ADCY2: variants seen among roughly 807,000 people sequenced by gnomAD.
ADCY2 encodes the protein adenylate cyclase type 2.
Under a neutral mutation model 125.2 loss-of-function variants are expected in ADCY2, and 31 were observed. The observed-to-expected ratio is 0.25, with a 90% CI of 0.19 to 0.33. The LOEUF is 0.33. ADCY2 is among the 10% of genes least tolerant of loss of function. The pLI, the probability that ADCY2 is intolerant of heterozygous loss-of-function variation, is 1.00. For synonymous variants in ADCY2, 512 were observed against 548.4 expected, an observed-to-expected ratio of 0.93 and a Z score of 0.93; for missense variants, 904 against 1,418.2, an observed-to-expected ratio of 0.64 and a Z score of 5.82.
chr5:7,580,956 G>A (rs1736406430), intron 3 of ADCY2, among the ~76,000 whole-genome samples: 1 of 152,206 alleles, frequency 6.6e-6, no homozygotes, highest in South Asian at 2.1e-4. Context: ...TTAGACCACA[G>A]CTCTAACTCT....
intron 22 of ADCY2, among the ~76,000 whole-genome samples, chr5:7,810,033 C>T (rs563119538): frequency 4.6e-5 from 7 of 152,206 alleles, no homozygotes; most frequent in Non-Finnish European, 8.8e-5. Context: ...AATGGCCCTT[C>T]GTTTTGCCCT....
At chr5:7,730,710 C>A (rs954747277) in intron 14 of ADCY2, among the ~76,000 whole-genome samples, 1 of 152,150 alleles carries the variant, frequency 6.6e-6, no homozygotes, top group Non-Finnish European at 1.5e-5. Flanking sequence ...TGACATTACT[C>A]TGTGGCATTA....
rs145905346 is a variant in ADCY2, at chr5:7,406,236, C to A, written c.211-8337C>A. On this transcript the variant is annotated intron_variant, in intron 1 of 24. Transcript: ENST00000338316. ...ACCCTAAAGTCTTGTCTGTGAAGGG[C>A]AGTAAGCTCAGAATCTAGGATCTCT... 2.5e-3 allele frequency among the ~76,000 whole-genome samples: 378 copies of A among 152,264 alleles called. 7 individuals carry two copies. The highest frequency in any genetic ancestry group is 2.2e-4 in the Non-Finnish European group (15 of 68,024).
chr5:7,729,423 A>G (rs926823853), intron 14 of ADCY2, among the ~76,000 whole-genome samples: 1 of 151,668 alleles, frequency 6.6e-6, no homozygotes, highest in African/African-American at 2.4e-5. Flanking sequence ...ATTCAATTTG[A>G]TATCTTTCTT....
chr5:7,546,176 G>C lies in ADCY2; in HGVS notation c.570+25277G>C, dbSNP rs770040418. Reference sequence around the variant, plus strand: ...TATGTTTTCTTGTGCGGATTCCTATGGTCCTTTCTTTACAAGACAGAACAG... The same window carrying C: ...TATGTTTTCTTGTGCGGATTCCTATCGTCCTTTCTTTACAAGACAGAACAG... On this transcript the variant is annotated intron_variant, in intron 3 of 24. Transcript: ENST00000338316. Among the ~76,000 whole-genome samples, 3 of 152,100 alleles carry C rather than the reference G, an allele frequency of 2.0e-5. No individual in the cohort carries two copies. The South Asian group carries it at 6.2e-4, about 32-fold the overall frequency.
At chr5:7,635,236 T>C (rs1365518783) in intron 4 of ADCY2, among the ~76,000 whole-genome samples, 1 of 152,126 alleles carries the variant, frequency 6.6e-6, no homozygotes, top group Admixed American at 6.5e-5. Context: ...TCTTAGAGGA[T>C]CCTTCTAGCT....
intron 3 of ADCY2, among the ~76,000 whole-genome samples, chr5:7,567,063 A>G (rs1735916412): frequency 6.6e-6 from 1 of 152,224 alleles, no homozygotes; most frequent in South Asian, 2.1e-4. Context: ...TATCATTGGC[A>G]TAGTGTTTTC....
At chr5:7,817,640 A>T (rs1009147878) in intron 23 of ADCY2, among the ~76,000 whole-genome samples, 1 of 152,138 alleles carries the variant, frequency 6.6e-6, no homozygotes. Context: ...CAGCCTGGGC[A>T]ACATGATGAG....
intron 3 of ADCY2, among the ~76,000 whole-genome samples, chr5:7,531,956 T>C (rs1293896141): frequency 6.6e-6 from 1 of 152,254 alleles, no homozygotes; most frequent in Non-Finnish European, 1.5e-5. Context: ...GACTGTTCCA[T>C]GTATTCTTTA....
intron 2 of ADCY2, among the ~76,000 whole-genome samples, chr5:7,457,083 C>G (rs2126431004): frequency 6.6e-6 from 1 of 152,294 alleles, no homozygotes. Context: ...ATTTAACAAA[C>G]TCTACAGATG....
chr5:7,725,976 A>C (rs949518284), intron 13 of ADCY2, among the ~76,000 whole-genome samples: 1 of 152,222 alleles, frequency 6.6e-6, no homozygotes, highest in African/African-American at 2.4e-5. Flanking sequence ...GTTTTTGTCC[A>C]TCTGTCCTCA....
chr5:7,677,122 CA>C (rs1234709178), intron 4 of ADCY2, among the ~76,000 whole-genome samples: 6 of 152,086 alleles, frequency 3.9e-5, no homozygotes, highest in African/African-American at 1.4e-4. Context: ...ACTAAAAATA[CA>C]AAAAGTTAGC....
rs147218474 is a variant in ADCY2, at chr5:7,442,332, T to G, written c.408+27562T>G. Among the ~76,000 whole-genome samples, 14 of 152,304 alleles carry G rather than the reference T, an allele frequency of 9.2e-5. No individual in the cohort carries two copies. In the East Asian group the frequency reaches 2.5e-3, roughly 27 times the overall value. ...CTGTGCAATGCCTCACATTCTAGATTTGTCCATTTGCTATCTCCTTGGGCT... is the reference window on the plus strand; with the variant it reads ...CTGTGCAATGCCTCACATTCTAGATGTGTCCATTTGCTATCTCCTTGGGCT... On this transcript the variant is annotated intron_variant, in intron 2 of 24. Coordinates refer to ENST00000338316, the MANE Select transcript of ADCY2 (RefSeq NM_020546.3).
chr5:7,573,390 G>T (rs1460329986), intron 3 of ADCY2, among the ~76,000 whole-genome samples: 2 of 152,110 alleles, frequency 1.3e-5, no homozygotes, highest in African/African-American at 4.8e-5. Flanking sequence ...TTTCCGTGGA[G>T]GGTGACTGGA....
At chr5:7,565,273 A>G (rs1359947967) in intron 3 of ADCY2, among the ~76,000 whole-genome samples, 1 of 152,236 alleles carries the variant, frequency 6.6e-6, no homozygotes, top group African/African-American at 2.4e-5. Context: ...GCACACATAA[A>G]TGAAACGCTG....
At chr5:7,819,119 C>T (rs1745214286) in intron 23 of ADCY2, among the ~76,000 whole-genome samples, 1 of 152,062 alleles carries the variant, frequency 6.6e-6, no homozygotes, top group South Asian at 2.1e-4. Context: ...AATCTCTCCA[C>T]GTTCTTCTGC....
chr5:7,724,138 A>AG (rs1741859489), intron 12 of ADCY2, among the ~76,000 whole-genome samples: 1 of 146,030 alleles, frequency 6.8e-6, no homozygotes, highest in South Asian at 2.2e-4. Context: ...AAAAAAAAAA[A>AG]GGTGCTTCTC....
At chr5:7,580,668 G>C (rs1342162729) in intron 3 of ADCY2, among the ~76,000 whole-genome samples, 1 of 152,080 alleles carries the variant, frequency 6.6e-6, no homozygotes, top group African/African-American at 2.4e-5. Flanking sequence ...ACATATATTT[G>C]GGGAAATAAT....
chr5:7,471,738 T>A (rs1414865963), intron 2 of ADCY2, among the ~76,000 whole-genome samples: 1 of 152,060 alleles, frequency 6.6e-6, no homozygotes, highest in Non-Finnish European at 1.5e-5. Context: ...ATAAGTTCTA[T>A]ATGTTTTGCT....
Sources: gnomAD v4.1 joint callset for allele counts (sites outside exome capture counted in the v4.1 genomes callset) on GRCh38, gnomAD v4.1.1 for gene constraint, MANE v1.5 for transcripts, NCBI Gene and HGNC (gene_info 2026-07-23, HGNC 2026-07-21) for gene names.